TUBA3E: variants seen among roughly 807,000 people sequenced by gnomAD.
TUBA3E encodes tubulin alpha 3e.
A neutral mutation model predicts 36.7 loss-of-function variants in TUBA3E; 21 were observed. The observed-to-expected ratio is 0.57, with a 90% CI of 0.41 to 0.83. The LOEUF (loss-of-function observed/expected upper bound fraction) is 0.83, where lower values mean the gene tolerates loss of function less well. Ranked by LOEUF, TUBA3E falls within the 40% of genes least tolerant of loss-of-function variation. The pLI is 0.00. For synonymous variants in TUBA3E, 177 were observed against 241.9 expected (o/e 0.73, Z 2.49); for missense variants, 469 against 604.2 (o/e 0.78, Z 2.35).
rs145630303 is a variant in TUBA3E at position 130,192,130 on chromosome 2, G to T, written c.1057-3C>A. Reference sequence around the variant, plus strand: ...GGGGGCTGGTAGTTAATGCCCACCTGCCAGAGAAGGGAAAGAAAGCAGTCC... The same window carrying T: ...GGGGGCTGGTAGTTAATGCCCACCTTCCAGAGAAGGGAAAGAAAGCAGTCC... On this transcript the variant is annotated splice_polypyrimidine_tract_variant and splice_region_variant and intron_variant, in intron 4 of 4. Transcript: ENST00000312988. 5.0e-6 allele frequency: 8 copies of T among 1,590,430 alleles called. No individual in the cohort carries two copies. The Admixed American group carries it at 1.2e-4, about 25-fold the overall frequency.
intron 1 of TUBA3E, among the ~76,000 whole-genome samples, chr2:130,196,615 A>G (rs995653105): frequency 6.6e-6 from 1 of 152,206 alleles, no homozygotes; most frequent in Non-Finnish European, 1.5e-5. Context: ...CACAAAACTT[A>G]GGTTATTTTA....
At chr2:130,196,580 T>C (rs1490165179) in intron 1 of TUBA3E, among the ~76,000 whole-genome samples, 1 of 152,236 alleles carries the variant, frequency 6.6e-6, no homozygotes, top group African/African-American at 2.4e-5. Flanking sequence ...GTTCTAGAAG[T>C]AGCCCTAGAA....
rs747899008 is a variant in TUBA3E, at chr2:130,194,453, G to A, written c.389C>T (p.Thr130Ile). 4 of 1,567,698 alleles carry A rather than the reference G, an allele frequency of 2.6e-6. No individual in the cohort carries two copies. Among genetic ancestry groups the A allele is most frequent in the East Asian group, 2.3e-5 (1 of 44,416 alleles). The change falls in exon 4 of 5, where the codon ACA (threonine) becomes ATA (isoleucine). Residue 130 changes from threonine to isoleucine, a missense_variant. Physicochemically the swap from Thr to Ile is moderately conservative, Grantham distance 89 (BLOSUM62 -1). Around this residue, in one of 3 missense-constraint regions of TUBA3E, gnomAD observed 169 missense variants for 239.0 expected, o/e 0.71. Transcript: ENST00000312988. ...GAAGATGAGGAAGCCCTGCAGTCCTGTGCACAGATCCGCCTGAGAGAAACC... is the reference window on the plus strand; with the variant it reads ...GAAGATGAGGAAGCCCTGCAGTCCTATGCACAGATCCGCCTGAGAGAAACC... ...DRIRKLADLCTGLQGFLIFHS... is the reference protein window; with the variant it reads ...DRIRKLADLCIGLQGFLIFHS...
chr2:130,197,509 G>GA (rs1385751671), intron 1 of TUBA3E, among the ~76,000 whole-genome samples: 3 of 95,334 alleles, frequency 3.1e-5, no homozygotes, highest in African/African-American at 1.8e-4. Flanking sequence ...AAAAAAAAAA[G>GA]AAAAGAAAAG....
Position 130,194,353 on chromosome 2 carries a change from C to A in TUBA3E, c.489G>T (p.Lys163Asn), listed in dbSNP as rs200389429. The change falls in exon 4 of 5, where the codon AAG (lysine) becomes AAT (asparagine). Residue 163 changes from lysine (K) to asparagine (N), a missense_variant. Coordinates refer to ENST00000312988, the MANE Select transcript of TUBA3E (RefSeq NM_207312.3). ...AAATGGCAAACTCTAGCTTGGACTTCTTGCTGTAATCCACTGAGAGCCGCT... is the reference window on the plus strand; with the variant it reads ...AAATGGCAAACTCTAGCTTGGACTTATTGCTGTAATCCACTGAGAGCCGCT... ...LMERLSVDYS[K>N]KSKLEFAIYP... 8.1e-6 allele frequency: 13 copies of A among 1,613,396 alleles called. No homozygotes were observed. Among genetic ancestry groups the A allele is most frequent in the Non-Finnish European group, 1.1e-5 (13 of 1,179,940 alleles).
intron 2 of TUBA3E, among the ~76,000 whole-genome samples, chr2:130,195,675 G>A (rs560998694): frequency 9.8e-5 from 15 of 152,326 alleles, no homozygotes; most frequent in African/African-American, 3.4e-4. Flanking sequence ...TCTCCTGGGG[G>A]GCCACTGAAA....
chr2:130,196,800 T>C (rs1438941001), intron 1 of TUBA3E, among the ~76,000 whole-genome samples: 1 of 152,178 alleles, frequency 6.6e-6, no homozygotes, highest in Non-Finnish European at 1.5e-5. Context: ...GCCCAGGTGC[T>C]CAGTGTGTGT....
At position 130,193,887 on chromosome 2, in the gene TUBA3E, A is replaced by C. The variant is rs767198648; in HGVS notation, c.955T>G (p.Tyr319Asp). 5.6e-6 allele frequency: 9 copies of C among 1,614,130 alleles called. No homozygotes were observed. The highest frequency in any genetic ancestry group is 7.6e-6 in the Non-Finnish European group (9 of 1,180,058). The change falls in exon 4 of 5, where the codon TAC becomes GAC. Residue 319 changes from tyrosine (Y) to aspartate (D), a missense_variant. Coordinates refer to ENST00000312988, the MANE Select transcript of TUBA3E (RefSeq NM_207312.3). ...TCTTTGGGGACCACGTCCCCCCTGT[A>C]CAACATGCAGCAGGCCATGTACTTG... ...HGKYMACCML[Y>D]RGDVVPKDVN...
Position 130,193,957 on chromosome 2 carries a change from G to A in TUBA3E, c.885C>T (p.Cys295=), listed in dbSNP as rs778577532. ...QLSVAEITNA[C]FEPANQMVKC... ...TGACCATCTGATTGGCTGGCTCGAA[G>A]CAGGCATTGGTGATCTCGGCCACAG... The change falls in exon 4 of 5, where the codon TGC becomes TGT. Residue 295 remains cysteine (C), a synonymous_variant. Coordinates refer to ENST00000312988, the MANE Select transcript of TUBA3E (RefSeq NM_207312.3). The A allele has an allele frequency of 1.2e-5, 20 of 1,614,106 alleles. No homozygotes were observed. The South Asian group carries it at 2.2e-4, about 18-fold the overall frequency.
chr2:130,191,897 C>T lies in TUBA3E; in HGVS notation c.1287G>A (p.Glu429=), dbSNP rs1690268215. The T allele has an allele frequency of 2.5e-6, 4 of 1,614,166 alleles. No individual in the cohort carries two copies. The highest frequency in any genetic ancestry group is 3.4e-6 in the Non-Finnish European group (4 of 1,180,012). Residue 429 remains glutamate, a synonymous_variant, in exon 5 of 5, where the codon GAG becomes GAA. Transcript: ENST00000312988. ...CCACGCCCACCTCTTCACAATCCTT[C>T]TCTAGAGCTGCCAGGTCCTCGCGGG... is the stretch of plus-strand genomic sequence containing the variant. ...SEAREDLAAL[E]KDCEEVGVDS...
intron 4 of TUBA3E, among the ~76,000 whole-genome samples, chr2:130,192,668 AG>A (rs1690294901): frequency 6.6e-6 from 1 of 152,206 alleles, no homozygotes; most frequent in East Asian, 1.9e-4. Context: ...CTGCCTAAGT[AG>A]GGGGTGACAT....
In TUBA3E at chr2:130,196,253, G is replaced by A; in HGVS notation, c.122C>T (p.Thr41Ile). The A allele has an allele frequency of 1.9e-6, 3 of 1,613,994 alleles. No individual in the cohort carries two copies. The highest frequency in any genetic ancestry group is 2.5e-6 in the Non-Finnish European group (3 of 1,179,908). ...QPDGQMPSDKTIGGGDDSFNT... is the reference protein window; with the variant it reads ...QPDGQMPSDKIIGGGDDSFNT... ...GAAGGAGTCGTCCCCGCCACCAATG[G>A]TTTTATCACTTGGCATTTGACCATC... The change falls in exon 2 of 5, where the codon ACC becomes ATC. Residue 41 changes from threonine (T) to isoleucine (I), a missense_variant. Coordinates refer to ENST00000312988, the MANE Select transcript of TUBA3E (RefSeq NM_207312.3).
At position 130,196,331 on chromosome 2, in the gene TUBA3E, T is replaced by C. The variant is rs749255893; in HGVS notation, c.44A>G (p.Gln15Arg). ...CAGTTCCCAGCAGGCATTGCCGATC[T>C]GGACACCCGCCTGCCCCACGTGGAT... is the stretch of plus-strand genomic sequence containing the variant. ...ISIHVGQAGV[Q>R]IGNACWELYC... The change falls in exon 2 of 5, where the codon CAG becomes CGG. Residue 15 changes from glutamine to arginine, a missense_variant. Around this residue, in one of 3 missense-constraint regions of TUBA3E, gnomAD observed 169 missense variants for 239.0 expected, o/e 0.71. Coordinates refer to ENST00000312988, the MANE Select transcript of TUBA3E (RefSeq NM_207312.3). 4 of 1,614,076 alleles carry C rather than the reference T, an allele frequency of 2.5e-6. No homozygotes were observed. Among genetic ancestry groups the C allele is most frequent in the South Asian group, 2.2e-5 (2 of 91,066 alleles).
intron 1 of TUBA3E, among the ~76,000 whole-genome samples, chr2:130,197,435 C>T (rs1690436758): frequency 9.7e-6 from 1 of 102,616 alleles, no homozygotes; most frequent in Non-Finnish European, 2.0e-5. Flanking sequence ...TGCAGGGAGC[C>T]GTGATCTTGC....
At position 130,194,269 on chromosome 2, in the gene TUBA3E, G is replaced by A. The variant is rs1236107524; in HGVS notation, c.573C>T (p.Thr191=). The change falls in exon 4 of 5, where the codon ACC becomes ACT. Residue 191 remains threonine, a synonymous_variant. Coordinates refer to ENST00000312988, the MANE Select transcript of TUBA3E (RefSeq NM_207312.3). ...VVEPYNSILT[T]HTTLEHSDCA... is the part of the protein sequence containing the mutation. ...AGTCAGAATGTTCCAGGGTCGTGTGGGTGGTTAGGATGGAGTTGTAGGGCT... is the reference window on the plus strand; with the variant it reads ...AGTCAGAATGTTCCAGGGTCGTGTGAGTGGTTAGGATGGAGTTGTAGGGCT... The A allele has an allele frequency of 7.1e-6, 11 of 1,544,412 alleles. 2 individuals carry two copies. Among genetic ancestry groups the A allele is most frequent in the Admixed American group, 1.7e-5 (1 of 57,310 alleles).
intron 1 of TUBA3E, 67 bp downstream of exon 1, chr2:130,198,291 C>T: frequency 7.4e-7 from 1 of 1,344,510 alleles, no homozygotes; most frequent in Non-Finnish European, 1.0e-6. Context: ...AACAACGTCC[C>T]TCTGTCCACC....
chr2:130,194,933 C>T, intron 3 of TUBA3E, 146 bp downstream of exon 3: 1 of 1,453,662 alleles, frequency 6.9e-7, no homozygotes, highest in East Asian at 2.3e-5. Context: ...CTGCTTTAGC[C>T]TCTCAAAGTG....
chr2:130,191,905 C>T lies in TUBA3E; in HGVS notation c.1279G>A (p.Ala427Thr). The change falls in exon 5 of 5, where the codon GCT becomes ACT. Residue 427 changes from alanine to threonine, a missense_variant. By Grantham distance (58) the Ala-to-Thr change is moderately conservative. Coordinates refer to ENST00000312988, the MANE Select transcript of TUBA3E (RefSeq NM_207312.3). ...EFSEAREDLA[A>T]LEKDCEEVGV... ...ACCTCTTCACAATCCTTCTCTAGAG[C>T]TGCCAGGTCCTCGCGGGCCTCAGAG... is the stretch of plus-strand genomic sequence containing the variant. The T allele has an allele frequency of 1.2e-6, 2 of 1,614,146 alleles. No homozygotes were observed. The highest frequency in any genetic ancestry group is 1.7e-6 in the Non-Finnish European group (2 of 1,180,014).
chr2:130,192,214 T>A (rs1405277334), intron 4 of TUBA3E, 87 bp from the exon 5 acceptor site: 1 of 1,522,700 alleles, frequency 6.6e-7, no homozygotes, highest in Non-Finnish European at 8.8e-7. Flanking sequence ...GAAGACACCC[T>A]GTAGGTGACA....
Sources: allele counts gnomAD v4.1 joint callset (sites outside exome capture counted in the v4.1 genomes callset), GRCh38; gene constraint gnomAD v4.1.1; regional missense constraint gnomAD v4.1.1; transcripts MANE v1.5; gene names NCBI Gene and HGNC (gene_info 2026-07-23, HGNC 2026-07-21).